NEDD4L: variants seen among roughly 807,000 people sequenced by gnomAD.
NEDD4L encodes E3 ubiquitin-protein ligase NEDD4-like.
In NEDD4L, 54 loss-of-function variants were observed where a neutral mutation model predicts 148.9. The ratio of observed to expected loss-of-function variants is 0.36; its 90% CI spans 0.29 to 0.45. The LOEUF (loss-of-function observed/expected upper bound fraction) is 0.45, where lower values mean the gene tolerates loss of function less well. Among genes scored for constraint, NEDD4L ranks in the 20% least tolerant of loss-of-function variants. The pLI is 1.00. For synonymous variants in NEDD4L, 433 were observed against 440.7 expected (o/e 0.98, Z 0.22); for missense variants, 856 against 1,233.8 (o/e 0.69, Z 4.59).
At chr18:58,049,402 GC>G (rs1265565139) in intron 1 of NEDD4L, among the ~76,000 whole-genome samples, 1 of 152,190 alleles carries the variant, frequency 6.6e-6, no homozygotes, top group African/African-American at 2.4e-5. Flanking sequence ...CATCTTTGCA[GC>G]TGTGCAAAAC....
At chr18:58,385,203 C>T (rs1221042803) in intron 25 of NEDD4L, among the ~76,000 whole-genome samples, 2 of 152,130 alleles carry the variant, frequency 1.3e-5, no homozygotes, top group Non-Finnish European at 2.9e-5. Context: ...CCCTTTTCTC[C>T]ATGTTGTCAC....
intron 5 of NEDD4L, among the ~76,000 whole-genome samples, chr18:58,298,343 G>T (rs1392712851): frequency 6.6e-6 from 1 of 152,170 alleles, no homozygotes; most frequent in African/African-American, 2.4e-5. Context: ...CTGATGTTCA[G>T]CTTATCCCTG....
chr18:58,287,109 G>GT (rs948440094), intron 5 of NEDD4L, among the ~76,000 whole-genome samples: 4 of 119,306 alleles, frequency 3.4e-5, no homozygotes, highest in African/African-American at 1.2e-4. Context: ...TTTTTTTTTT[G>GT]TTTTTTTCTG....
chr18:58,217,814 T>C (rs2043307837), intron 2 of NEDD4L, among the ~76,000 whole-genome samples: 1 of 152,252 alleles, frequency 6.6e-6, no homozygotes, highest in South Asian at 2.1e-4. Flanking sequence ...TATTTATGTA[T>C]ATGGAAATAG....
chr18:58,329,233 T>C (rs2059582866), intron 10 of NEDD4L, 106 bp downstream of exon 10: 2 of 1,286,886 alleles, frequency 1.6e-6, no homozygotes, highest in Non-Finnish European at 2.2e-6. Flanking sequence ...TTGTTGAGAA[T>C]GTAAAGATTA....
intron 5 of NEDD4L, among the ~76,000 whole-genome samples, chr18:58,298,558 T>G (rs944708217): frequency 1.4e-4 from 21 of 152,242 alleles, no homozygotes; most frequent in African/African-American, 5.1e-4. Context: ...ATAATGCATG[T>G]GCAACGTTTA....
chr18:58,367,925 CT>C, intron 22 of NEDD4L, 58 bp downstream of exon 22: 1 of 1,585,846 alleles, frequency 6.3e-7, no homozygotes, highest in Non-Finnish European at 8.6e-7. Context: ...TAGTAGGTGT[CT>C]TATCTTTCGC....
In NEDD4L at chr18:58,330,884, C is replaced by G; in HGVS notation, c.960C>G (p.Asp320Glu). The change falls in exon 11 of 31, where the codon GAC becomes GAG. Residue 320 changes from aspartate to glutamate, a missense_variant. Asp to Glu is a conservative substitution (Grantham distance 45, BLOSUM62 2). Coordinates refer to ENST00000400345, the MANE Select transcript of NEDD4L (RefSeq NM_001144967.3). The stretch of plus-strand genomic sequence containing the variant: ...GCAGAAGGCTTCAGATCACTCCAGA[C>G]TCCAATGGGGAACAGTTCAGCTCTT... The part of the protein sequence containing the change: ...ELSRRLQITP[D>E]SNGEQFSSLI... 1 of 1,613,916 alleles carries G rather than the reference C, an allele frequency of 6.2e-7. No individual in the cohort carries two copies. Among genetic ancestry groups the G allele is most frequent in the Non-Finnish European group, 8.5e-7 (1 of 1,179,816 alleles).
intron 1 of NEDD4L, among the ~76,000 whole-genome samples, chr18:58,142,479 G>A (rs979443029): frequency 6.6e-6 from 1 of 152,198 alleles, no homozygotes; most frequent in African/African-American, 2.4e-5. Flanking sequence ...TGGGGGAACT[G>A]ATATTGACAG....
At chr18:58,388,843 C>T (rs763778517) in intron 27 of NEDD4L, 4 of 522,894 alleles carry the variant, frequency 7.6e-6, no homozygotes, top group Non-Finnish European at 1.4e-5. Flanking sequence ...TTTTTATATC[C>T]GATACGACAT....
chr18:58,235,890 G>C (rs1053881709), intron 2 of NEDD4L, among the ~76,000 whole-genome samples: 1 of 151,992 alleles, frequency 6.6e-6, no homozygotes, highest in Non-Finnish European at 1.5e-5. Context: ...CTTTATAGCC[G>C]GGTGTGGTGG....
intron 1 of NEDD4L, among the ~76,000 whole-genome samples, chr18:58,138,330 C>T: frequency 6.9e-6 from 1 of 144,286 alleles, no homozygotes. Context: ...TTCCTTCTTC[C>T]CTCCCCTCCT....
At chr18:58,269,072 C>T (rs922516017) in intron 5 of NEDD4L, among the ~76,000 whole-genome samples, 2 of 151,950 alleles carry the variant, frequency 1.3e-5, no homozygotes, top group Admixed American at 1.3e-4. Context: ...TACTTTGCCT[C>T]ATATGTTCCA....
chr18:58,251,567 A>C (rs967579886), intron 4 of NEDD4L, among the ~76,000 whole-genome samples: 19 of 145,414 alleles, frequency 1.3e-4, no homozygotes, highest in African/African-American at 4.0e-4. Context: ...GTCTCTCTCT[A>C]CACACACACA....
In NEDD4L at chr18:58,366,334, T is replaced by A. The variant is rs2046101577; in HGVS notation, c.2063+106T>A. The A allele has an allele frequency of 1.3e-6, 1 of 774,556 alleles. No homozygotes were observed. Among genetic ancestry groups the A allele is most frequent in the Non-Finnish European group, 2.0e-6 (1 of 498,322 alleles). The allele number at this position is 774,556 out of a possible 1,614,324, so 48.0% of individuals were successfully genotyped here. On this transcript the variant is annotated intron_variant, in intron 21 of 30. Transcript: ENST00000400345. This position sits in a 1 kb window ranked among gnomAD's most constrained non-coding sequence, Gnocchi z 4.2. ...TCATGAGTTCGAGATGCATTAACTC[T>A]GCTGAGTTTGTTCTCTCCTCACCCC...
At chr18:58,371,123 G>A (rs181828669) in intron 23 of NEDD4L, among the ~76,000 whole-genome samples, 2,886 of 130,850 alleles carry the variant, frequency 0.022, 42 homozygotes, top group South Asian at 0.039. Context: ...GCTCACTTCC[G>A]CCTTGCGGAT....
At chr18:58,319,360 A>G (rs1329154728) in intron 6 of NEDD4L, among the ~76,000 whole-genome samples, 5 of 152,156 alleles carry the variant, frequency 3.3e-5, no homozygotes, top group Admixed American at 1.3e-4. Context: ...GTGGTTGCAT[A>G]CAAGTTTCGA....
intron 5 of NEDD4L, among the ~76,000 whole-genome samples, chr18:58,303,045 C>A (rs916321587): frequency 6.6e-6 from 1 of 152,214 alleles, no homozygotes; most frequent in South Asian, 2.1e-4. Flanking sequence ...AGACACCTGC[C>A]GTCAGCACTG....
intron 5 of NEDD4L, among the ~76,000 whole-genome samples, chr18:58,270,044 C>T (rs2050801955): frequency 6.6e-6 from 1 of 152,166 alleles, no homozygotes; most frequent in South Asian, 2.1e-4. Flanking sequence ...AAGTGGAATT[C>T]CAATTCTAGC....
Sources: allele counts gnomAD v4.1 joint callset (sites outside exome capture counted in the v4.1 genomes callset), GRCh38; gene constraint gnomAD v4.1.1; non-coding constraint Gnocchi (gnomAD v3.1); transcripts MANE v1.5; gene names NCBI Gene and HGNC (gene_info 2026-07-23, HGNC 2026-07-21).